NOSTRIN: variants seen among roughly 807,000 people sequenced by gnomAD.
NOSTRIN encodes nitric oxide synthase trafficking.
In NOSTRIN, 63 loss-of-function variants were observed where a neutral mutation model predicts 59.0. The observed-to-expected ratio is 1.07, with a 90% CI of 0.87 to 1.32. The LOEUF (loss-of-function observed/expected upper bound fraction) is 1.32. Ranked by LOEUF, NOSTRIN falls within the 40% of genes most tolerant of loss-of-function variation. The pLI is 0.00. For missense variants in NOSTRIN, 512 were observed against 473.1 expected, an observed-to-expected ratio of 1.08 and a Z score of -0.76; for synonymous variants, 200 against 165.4, an observed-to-expected ratio of 1.21 and a Z score of -1.61.
At chr2:168,861,915 T>TTGCCTGCTAACACAGCATA in intron 14 of NOSTRIN, 45 bp from the exon 15 acceptor site, 1 of 1,553,170 alleles carries the variant, frequency 6.4e-7, no homozygotes, top group Non-Finnish European at 8.9e-7. Context: ...TCATATTCAT[T>TTGCCTGCTAACACAGCATA]TGCCTGCTAA....
intron 2 of NOSTRIN, among the ~76,000 whole-genome samples, chr2:168,788,286 T>C (rs1005585665): frequency 1.3e-5 from 2 of 151,932 alleles, no homozygotes; most frequent in Non-Finnish European, 2.9e-5. Context: ...TTTTTCTTCT[T>C]CCTTTTTCTT....
intron 2 of NOSTRIN, among the ~76,000 whole-genome samples, chr2:168,815,435 C>T (rs1686344208): frequency 6.6e-6 from 1 of 152,144 alleles, no homozygotes; most frequent in African/African-American, 2.4e-5. Context: ...CTTCCTGCAT[C>T]CTCAGAGCTA....
intron 10 of NOSTRIN, 121 bp from the exon 11 acceptor site, chr2:168,855,231 A>G (rs1689008828): frequency 9.7e-6 from 5 of 516,066 alleles, no homozygotes; most frequent in Non-Finnish European, 1.7e-5. Flanking sequence ...ATCCTGCTTA[A>G]AAATTTTGTT....
intron 8 of NOSTRIN, among the ~76,000 whole-genome samples, chr2:168,844,422 T>C (rs1389267957): frequency 1.3e-5 from 2 of 152,102 alleles, no homozygotes; most frequent in Non-Finnish European, 2.9e-5. Context: ...GCAGATACAA[T>C]TGGAGAAAGC....
intron 1 of NOSTRIN, among the ~76,000 whole-genome samples, chr2:168,807,499 G>T (rs1210649593): frequency 1.3e-5 from 2 of 152,168 alleles, no homozygotes; most frequent in Non-Finnish European, 1.5e-5. Context: ...ATCAAGGTTT[G>T]TTGGGGGAAT....
chr2:168,809,649 G>A (rs1686034948), intron 1 of NOSTRIN, among the ~76,000 whole-genome samples: 1 of 151,038 alleles, frequency 6.6e-6, no homozygotes, highest in Non-Finnish European at 1.5e-5. Flanking sequence ...AACTTTCCCA[G>A]TGTGCTGTAA....
chr2:168,809,114 T>C (rs1686011897), intron 1 of NOSTRIN, among the ~76,000 whole-genome samples: 1 of 152,228 alleles, frequency 6.6e-6, no homozygotes, highest in African/African-American at 2.4e-5. Flanking sequence ...CATATGTCTT[T>C]AGAAAACAAC....
At chr2:168,807,763 C>T (rs1279639014) in intron 1 of NOSTRIN, among the ~76,000 whole-genome samples, 1 of 152,202 alleles carries the variant, frequency 6.6e-6, no homozygotes, top group African/African-American at 2.4e-5. Flanking sequence ...GTTCCCTCTT[C>T]CTGGAACAAT....
intron 1 of NOSTRIN, among the ~76,000 whole-genome samples, chr2:168,809,591 C>A (rs185844863): frequency 1.8e-3 from 267 of 152,042 alleles, no homozygotes; most frequent in African/African-American, 6.1e-3. Flanking sequence ...AGAGGTTAAA[C>A]AAGTTTCTTT....
At position 168,803,126 on chromosome 2, in the gene NOSTRIN, C is replaced by A. The variant is rs3821115; in HGVS notation, c.27+453C>A. On this transcript the variant is annotated intron_variant, in intron 1 of 15. Transcript: ENST00000317647. ...TTGGAGTCAAGGATCACAAGTCCTG[C>A]AGGAGGAAGGATAGACTCCCCACTC... 7.2e-3 allele frequency among the ~76,000 whole-genome samples: 1,103 copies of A among 152,244 alleles called. 47 individuals are homozygous for A. In the East Asian group the frequency reaches 0.11, roughly 15 times the overall value.
intron 8 of NOSTRIN, among the ~76,000 whole-genome samples, chr2:168,846,660 C>A (rs1006331156): frequency 1.3e-5 from 2 of 152,124 alleles, no homozygotes; most frequent in South Asian, 4.1e-4. Flanking sequence ...ACCATACTAC[C>A]AAGAATTACA....
Position 168,831,241 on chromosome 2 carries a change from G to T in NOSTRIN, c.343-231G>T, listed in dbSNP as rs1244890515. On this transcript the variant is annotated intron_variant, in intron 5 of 15. Transcript: ENST00000317647. ...CTATTTACTCACTGTAACCTCAGAT[G>T]GCAGAAGGGGCTAGGCAGCTCTTGG... 2.0e-5 allele frequency among the ~76,000 whole-genome samples: 3 copies of T among 152,156 alleles called. No homozygotes were observed. The South Asian group carries it at 6.2e-4, about 32-fold the overall frequency.
rs1245240817 is a variant in NOSTRIN, at chr2:168,839,900, A to AT, written c.505-3092_505-3091insT. 3.2e-3 allele frequency among the ~76,000 whole-genome samples: 396 copies of AT among 123,168 alleles called. 1 individual carries two copies. Among genetic ancestry groups the AT allele is most frequent in the Non-Finnish European group, 4.9e-3 (298 of 61,248 alleles). 80.8% of individuals were successfully genotyped at this position (123,168 alleles called of 152,430 possible). A position where few individuals can be genotyped will look rare whatever the true frequency, so the allele number is the denominator to read the frequency against. ...ACTCCGTCTCAAAAAAAAAAAAAAA[A>AT]ATATATATATATATATATATATGTG... On this transcript the variant is annotated intron_variant, in intron 7 of 15. Transcript: ENST00000317647.
At chr2:168,863,693 T>A in intron 15 of NOSTRIN, 1 of 972,328 alleles carries the variant, frequency 1.0e-6, no homozygotes, top group Non-Finnish European at 1.2e-6. Flanking sequence ...ACTTTTGGCC[T>A]GTGAAATCAG....
chr2:168,860,644 C>A, intron 13 of NOSTRIN, 151 bp from the exon 14 acceptor site: 1 of 576,008 alleles, frequency 1.7e-6, no homozygotes, highest in Non-Finnish European at 3.1e-6. Flanking sequence ...GCACTCCAGC[C>A]TGGGTGACAG....
In NOSTRIN at chr2:168,834,515, A is replaced by ACACGCGCGCG. The variant is rs767460271; in HGVS notation, c.504+193_504+194insGCGCGCGCAC. Among the ~76,000 whole-genome samples, 7 of 144,932 alleles carry ACACGCGCGCG rather than the reference A, an allele frequency of 4.8e-5. No homozygotes were observed. In the East Asian group the frequency reaches 1.2e-3, roughly 26 times the overall value. ...TGCGCGCGCGCGCGCGCGCACACAC[A>ACACGCGCGCG]CACACACACACACACACACACACAC... On this transcript the variant is annotated intron_variant, in intron 7 of 15. Transcript: ENST00000317647.
intron 8 of NOSTRIN, among the ~76,000 whole-genome samples, chr2:168,850,218 A>T (rs1688679315): frequency 6.6e-6 from 1 of 152,084 alleles, no homozygotes. Context: ...CGGCCTCTAA[A>T]ATGTTAATAG....
chr2:168,797,592 C>T (rs1428598674), upstream of NOSTRIN, among the ~76,000 whole-genome samples: 1 of 152,080 alleles, frequency 6.6e-6, no homozygotes, highest in Non-Finnish European at 1.5e-5. Context: ...TAAGCAAAAT[C>T]CTAGAGATAC....
chr2:168,801,752 A>G (rs1250728560), upstream of NOSTRIN, among the ~76,000 whole-genome samples: 20 of 152,210 alleles, frequency 1.3e-4, no homozygotes, highest in Admixed American at 1.3e-3. Flanking sequence ...TGGAAATCTA[A>G]TGATTGGCAA....
Sources: gnomAD v4.1 joint callset for allele counts (sites outside exome capture counted in the v4.1 genomes callset) on GRCh38, gnomAD v4.1.1 for gene constraint, MANE v1.5 for transcripts, NCBI Gene and HGNC (gene_info 2026-07-23, HGNC 2026-07-21) for gene names.